KIFC3: variants seen among roughly 807,000 people sequenced by gnomAD.
KIFC3 encodes kinesin-like protein KIFC3.
KIFC3 carries 60 observed loss-of-function variants against 101.8 expected under a neutral mutation model. The observed-to-expected ratio is 0.59, with a 90% CI of 0.48 to 0.73. KIFC3 has a LOEUF of 0.73. Ranked by LOEUF, KIFC3 falls within the 30% of genes least tolerant of loss-of-function variation. The probability of loss-of-function intolerance (pLI) is 0.00; values close to 1 mark genes in which losing one functional copy is unlikely to be tolerated. For synonymous variants in KIFC3, 476 were observed against 482.7 expected (o/e 0.99, Z 0.18); for missense variants, 966 against 1,137.1 (o/e 0.85, Z 2.16).
In KIFC3 at chr16:57,799,090, G is replaced by T. The variant is rs530877984; in HGVS notation, c.-39-808C>A. Among the ~76,000 whole-genome samples the T allele has an allele frequency of 2.6e-5, 4 of 152,356 alleles. No homozygotes were observed. In the East Asian group the frequency reaches 7.7e-4, roughly 29 times the overall value. On this transcript the variant is annotated intron_variant, in intron 1 of 19. Coordinates refer to ENST00000445690, the MANE Select transcript of KIFC3 (RefSeq NM_001130100.2). ...GCAGGTGCGAGCCAGGCACCAGGTG[G>T]TGTGGGGAATGGAGGGGGGCAGAGA...
intron 1 of KIFC3, among the ~76,000 whole-genome samples, chr16:57,859,404 A>C (rs2056246716): frequency 6.6e-6 from 1 of 152,154 alleles, no homozygotes; most frequent in South Asian, 2.1e-4. Flanking sequence ...TACGTTCCTC[A>C]CCCTCCTTCC....
intron 3 of KIFC3, among the ~76,000 whole-genome samples, chr16:57,780,239 G>A (rs150217244): frequency 8.9e-4 from 135 of 152,302 alleles, no homozygotes; most frequent in African/African-American, 3.2e-3. Flanking sequence ...AGCCGGGCGC[G>A]GTGGCTCACG....
At chr16:57,858,982 G>T (rs556853473) in intron 1 of KIFC3, among the ~76,000 whole-genome samples, 1 of 152,162 alleles carries the variant, frequency 6.6e-6, no homozygotes, top group South Asian at 2.1e-4. Context: ...ATACATAATT[G>T]AATTCACAAA....
At chr16:57,782,990 A>G (rs2052899666) in intron 3 of KIFC3, among the ~76,000 whole-genome samples, 1 of 152,178 alleles carries the variant, frequency 6.6e-6, no homozygotes, top group African/African-American at 2.4e-5. Context: ...AAATGAGAAC[A>G]AAGACCAGGA....
intron 1 of KIFC3, among the ~76,000 whole-genome samples, chr16:57,831,785 A>T (rs1284112071): frequency 2.6e-5 from 4 of 152,148 alleles, no homozygotes; most frequent in African/African-American, 9.7e-5. Flanking sequence ...GAGGGCCTAG[A>T]CTTTCCTTGG....
chr16:57,787,853 T>C (rs567260132), intron 3 of KIFC3, among the ~76,000 whole-genome samples: 1 of 152,092 alleles, frequency 6.6e-6, no homozygotes, highest in Admixed American at 6.5e-5. Flanking sequence ...TTCCACCACA[T>C]GGCAAGTTCA....
chr16:57,762,584 C>T (rs1182990780), intron 12 of KIFC3, among the ~76,000 whole-genome samples: 3 of 152,020 alleles, frequency 2.0e-5, no homozygotes, highest in African/African-American at 7.2e-5. Flanking sequence ...CCTGTGGGGC[C>T]ACCTGGGAGG....
At chr16:57,777,749 G>C (rs1159184546) in intron 3 of KIFC3, among the ~76,000 whole-genome samples, 1 of 151,562 alleles carries the variant, frequency 6.6e-6, no homozygotes, top group Non-Finnish European at 1.5e-5. Flanking sequence ...AAAAAAAAAA[G>C]CTACAGCAAT....
intron 1 of KIFC3, among the ~76,000 whole-genome samples, chr16:57,861,857 G>A (rs1320754367): frequency 2.6e-5 from 4 of 152,142 alleles, no homozygotes; most frequent in African/African-American, 9.7e-5. Flanking sequence ...GCTGTGGCAC[G>A]AGAATCACTT....
Position 57,775,545 on chromosome 16 carries a change from G to A in KIFC3, c.316-3257C>T, listed in dbSNP as rs117676728. The stretch of plus-strand genomic sequence containing the variant: ...AGAAACGGAGGCACCTGGGGAAAGC[G>A]GATGGAAGATGGCCTGGGAGCAGTG... On this transcript the variant is annotated intron_variant, in intron 3 of 19. Transcript: ENST00000445690. 6.2e-3 allele frequency: 6,095 copies of A among 986,396 alleles called. 26 individuals are homozygous for A. The highest frequency in any genetic ancestry group is 6.5e-3 in the Non-Finnish European group (5,432 of 830,620). 61.1% of individuals were successfully genotyped at this position (986,396 alleles called of 1,614,324 possible).
chr16:57,759,993 G>T (rs1328416174), intron 17 of KIFC3, 157 bp from the exon 18 acceptor site: 2 of 625,652 alleles, frequency 3.2e-6, no homozygotes, highest in East Asian at 5.6e-5. Flanking sequence ...GTTATGGCAA[G>T]AATTAAATGA....
intron 1 of KIFC3, chr16:57,816,294 A>T (rs111880162): frequency 8.0e-7 from 1 of 1,253,088 alleles, no homozygotes; most frequent in Non-Finnish European, 1.0e-6. Flanking sequence ...AGCCTGAGGA[A>T]GTAAGGAAGT....
intron 1 of KIFC3, among the ~76,000 whole-genome samples, chr16:57,832,321 CTTTTTTTTT>C (rs1165977084): frequency 0.095 from 6,986 of 73,426 alleles, 443 homozygotes; most frequent in African/African-American, 0.21. Context: ...GCGCCAGGCC[CTTTTTTTTT>C]TTTTTTTTTT....
At chr16:57,832,475 C>T (rs1279318791) in intron 1 of KIFC3, among the ~76,000 whole-genome samples, 10 of 151,772 alleles carry the variant, frequency 6.6e-5, no homozygotes, top group Admixed American at 2.6e-4. Context: ...CCATCATACC[C>T]GGCTAATTTT....
chr16:57,798,088 C>A lies in KIFC3; in HGVS notation c.156G>T (p.Pro52=), dbSNP rs781952768. 6.3e-7 allele frequency: 1 copy of A among 1,592,320 alleles called. No homozygotes were observed. Among genetic ancestry groups the A allele is most frequent in the East Asian group, 2.3e-5 (1 of 43,784 alleles). The change falls in exon 2 of 20, where the codon CCG becomes CCT. Residue 52 remains proline, a synonymous_variant. Coordinates refer to ENST00000445690, the MANE Select transcript of KIFC3 (RefSeq NM_001130100.2). ...PAARPFPHTG[P]GRLRTGRGKD... is the part of the protein sequence containing the mutation. ...CGGACTCACCAGTTCTCAACCTCCC[C>A]GGGCCGGTGTGTGGGAAAGGGCGGG... is the stretch of plus-strand genomic sequence containing the variant.
At chr16:57,797,473 G>C (rs577441910) in intron 2 of KIFC3, among the ~76,000 whole-genome samples, 1 of 152,308 alleles carries the variant, frequency 6.6e-6, no homozygotes, top group South Asian at 2.1e-4. Context: ...CCAGAAAGGC[G>C]AGCTGGCACT....
intron 3 of KIFC3, among the ~76,000 whole-genome samples, chr16:57,784,120 C>T (rs1303646970): frequency 6.6e-6 from 1 of 152,224 alleles, no homozygotes; most frequent in Non-Finnish European, 1.5e-5. Flanking sequence ...TGTCCGTTTT[C>T]CCCCAGGCAG....
chr16:57,770,434 C>A (rs2051013060), intron 7 of KIFC3, 93 bp downstream of exon 7: 12 of 1,166,842 alleles, frequency 1.0e-5, no homozygotes, highest in Non-Finnish European at 1.3e-5. Flanking sequence ...GACCCCGTGT[C>A]TGTGGGGTAC....
At chr16:57,826,592 CTA>C (rs1367223461) in intron 1 of KIFC3, among the ~76,000 whole-genome samples, 2 of 152,142 alleles carry the variant, frequency 1.3e-5, no homozygotes, top group Non-Finnish European at 2.9e-5. Flanking sequence ...ACAAAATAAA[CTA>C]TGTGATGATT....
Sources: gnomAD v4.1 joint callset for allele counts (sites outside exome capture counted in the v4.1 genomes callset) on GRCh38, gnomAD v4.1.1 for gene constraint, MANE v1.5 for transcripts, NCBI Gene and HGNC (gene_info 2026-07-23, HGNC 2026-07-21) for gene names.